KLHL7: variants seen among roughly 807,000 people sequenced by gnomAD.
KLHL7 encodes the protein kelch like family member 7, also known as kelch-like protein 7.
Under a neutral mutation model 67.4 loss-of-function variants are expected in KLHL7, and 44 were observed. The ratio of observed to expected loss-of-function variants is 0.65; its 90% CI spans 0.51 to 0.84. The LOEUF (loss-of-function observed/expected upper bound fraction) is 0.84. Among genes scored for constraint, KLHL7 ranks in the 40% least tolerant of loss-of-function variants. KLHL7 has a pLI of 0.00. For missense variants in KLHL7, 362 were observed against 718.1 expected (o/e 0.50, Z 5.67); for synonymous variants, 252 against 243.3 (o/e 1.04, Z -0.33).
chr7:23,154,864 G>A (rs1784651603), intron 7 of KLHL7, among the ~76,000 whole-genome samples: 1 of 152,150 alleles, frequency 6.6e-6, no homozygotes, highest in South Asian at 2.1e-4. Flanking sequence ...TGGCCCTCTT[G>A]TAACAAAGTT....
chr7:23,166,071 A>G, intron 8 of KLHL7, 133 bp downstream of exon 8: 1 of 1,044,168 alleles, frequency 9.6e-7, no homozygotes. Flanking sequence ...TGTTTGTCAC[A>G]TTTTAGAGCT....
At chr7:23,170,274 A>C (rs1043074575) in intron 9 of KLHL7, among the ~76,000 whole-genome samples, 1 of 152,172 alleles carries the variant, frequency 6.6e-6, no homozygotes, top group East Asian at 1.9e-4. Context: ...TTTTTTAATA[A>C]GAATTTCTTC....
In KLHL7 at chr7:23,174,571, A is replaced by G. The variant is rs1785251058; in HGVS notation, c.*273A>G. The G allele has an allele frequency of 1.8e-6, 1 of 562,636 alleles. No individual in the cohort carries two copies. Among genetic ancestry groups the G allele is most frequent in the Non-Finnish European group, 3.4e-6 (1 of 298,172 alleles). The allele number at this position is 562,636 out of a possible 1,614,324, so 34.9% of individuals were successfully genotyped here. A position where few individuals can be genotyped will look rare whatever the true frequency, so the allele number is the denominator to read the frequency against. On this transcript the variant is annotated 3_prime_UTR_variant, in exon 11 of 11. Coordinates refer to ENST00000339077, the MANE Select transcript of KLHL7 (RefSeq NM_001031710.3). The stretch of plus-strand genomic sequence containing the variant: ...AATGTGAATTTCTTGAATGAATTTC[A>G]CATTTGTAACTATGATTTTGGCAGA...
At chr7:23,144,611 T>C (rs1022274963) in intron 6 of KLHL7, among the ~76,000 whole-genome samples, 1 of 152,138 alleles carries the variant, frequency 6.6e-6, no homozygotes, top group African/African-American at 2.4e-5. Context: ...TGTCCTAGGG[T>C]TTCCTTCTGC....
At chr7:23,161,972 A>T (rs75265968) in intron 7 of KLHL7, among the ~76,000 whole-genome samples, 5,959 of 152,324 alleles carry the variant, frequency 0.039, 410 homozygotes, top group African/African-American at 0.14. Context: ...GTGAAAAGAT[A>T]CGGAGATTGT....
At position 23,105,899 on chromosome 7, in the gene KLHL7, T is replaced by C; in HGVS notation, c.-128T>C. The C allele has an allele frequency of 7.0e-7, 1 of 1,434,548 alleles. No individual in the cohort carries two copies. The highest frequency in any genetic ancestry group is 9.5e-7 in the Non-Finnish European group (1 of 1,056,784). 88.9% of individuals were successfully genotyped at this position (1,434,548 alleles called of 1,614,324 possible). On this transcript the variant is annotated 5_prime_UTR_variant, in exon 1 of 11. Transcript: ENST00000339077. ...CGAGCCACCGCCGCCTGCCGCGCGT[T>C]CCAGAGCTGGGCGCTGCAGCTGCAC...
At chr7:23,150,385 A>G (rs773291323) in intron 6 of KLHL7, among the ~76,000 whole-genome samples, 1 of 152,172 alleles carries the variant, frequency 6.6e-6, no homozygotes, top group Non-Finnish European at 1.5e-5. Flanking sequence ...ATCCATGTAT[A>G]AATTACATGT....
At chr7:23,156,676 G>C (rs746826703) in intron 7 of KLHL7, among the ~76,000 whole-genome samples, 6 of 152,172 alleles carry the variant, frequency 3.9e-5, no homozygotes, top group African/African-American at 1.4e-4. Context: ...AGCAGGGCGA[G>C]GGCCAGAGCC....
intron 1 of KLHL7, among the ~76,000 whole-genome samples, chr7:23,121,906 T>G (rs1429989915): frequency 6.6e-6 from 1 of 151,996 alleles, no homozygotes; most frequent in Non-Finnish European, 1.5e-5. Context: ...ATGGTCTCAA[T>G]CTGCTGACCT....
intron 6 of KLHL7, among the ~76,000 whole-genome samples, chr7:23,144,947 A>AT (rs57584934): frequency 6.6e-6 from 1 of 150,906 alleles, no homozygotes; most frequent in Non-Finnish European, 1.5e-5. Flanking sequence ...AAAAAAAAAA[A>AT]CCTAGCCGGG....
At chr7:23,124,954 G>A (rs1333767519) in intron 3 of KLHL7, 94 bp from the exon 4 acceptor site, 4 of 1,257,650 alleles carry the variant, frequency 3.2e-6, no homozygotes, top group Non-Finnish European at 4.6e-6. Context: ...TTAATTTTGT[G>A]TTTAATTTCA....
At chr7:23,125,256 A>G in intron 4 of KLHL7, 84 bp downstream of exon 4, 1 of 1,402,540 alleles carries the variant, frequency 7.1e-7, no homozygotes, top group Non-Finnish European at 1.0e-6. Flanking sequence ...GCTGATTTTA[A>G]GTATCCGCAT....
rs766696714 is a variant in KLHL7, at chr7:23,165,939, G to A, written c.1177+1G>A. 1.9e-6 allele frequency: 3 copies of A among 1,613,964 alleles called. No homozygotes were observed. The highest frequency in any genetic ancestry group is 1.7e-6 in the Non-Finnish European group (2 of 1,179,974). On this transcript the variant is annotated splice_donor_variant, in intron 8 of 10. Transcript: ENST00000339077. LOFTEE classifies it high-confidence loss of function. The stretch of plus-strand genomic sequence containing the variant: ...TATACATCTGGAGGTTCAGAAGTAG[G>A]TAAGGACTTCTTAAGTATTTTGGTT...
chr7:23,143,767 C>G (rs1356031003), intron 5 of KLHL7, 84 bp from the exon 6 acceptor site: 2 of 1,361,378 alleles, frequency 1.5e-6, no homozygotes, highest in Non-Finnish European at 2.1e-6. Context: ...ATGAGGTTCT[C>G]TCCCTTCAAT....
At chr7:23,117,518 C>T (rs935446691) in intron 1 of KLHL7, among the ~76,000 whole-genome samples, 1 of 152,172 alleles carries the variant, frequency 6.6e-6, no homozygotes, top group Non-Finnish European at 1.5e-5. Flanking sequence ...AGTCTCCTTT[C>T]CTTTGCAAAG....
chr7:23,172,129 T>C (rs772583975), intron 9 of KLHL7: 8 of 456,252 alleles, frequency 1.8e-5, no homozygotes, highest in Non-Finnish European at 3.5e-5. Context: ...TTAAGTTAGC[T>C]GCTGAAAGCA....
intron 1 of KLHL7, among the ~76,000 whole-genome samples, chr7:23,110,615 T>A (rs199976846): frequency 1.1e-4 from 16 of 152,080 alleles, no homozygotes; most frequent in South Asian, 2.1e-4. Context: ...GTTTTTTTTT[T>A]AATTTTATTA....
chr7:23,112,023 T>C (rs1782897469), intron 1 of KLHL7, among the ~76,000 whole-genome samples: 1 of 152,018 alleles, frequency 6.6e-6, no homozygotes. Flanking sequence ...GATAATAAAA[T>C]CAACAGGACT....
intron 1 of KLHL7, among the ~76,000 whole-genome samples, chr7:23,109,676 CATGTCATT>C (rs1333739238): frequency 2.6e-5 from 4 of 152,212 alleles, no homozygotes; most frequent in Non-Finnish European, 5.9e-5. Flanking sequence ...TAAATTACTA[CATGTCATT>C]ATCTTTAGGT....
Sources: allele counts gnomAD v4.1 joint callset (sites outside exome capture counted in the v4.1 genomes callset), GRCh38; gene constraint gnomAD v4.1.1; transcripts MANE v1.5; gene names NCBI Gene and HGNC (gene_info 2026-07-23, HGNC 2026-07-21).